Variants in DENND1A observed in about 807,000 individuals in gnomAD.
DENND1A encodes DENN domain-containing protein 1A.
Under a neutral mutation model 113.7 loss-of-function variants are expected in DENND1A, and 51 were observed. The observed-to-expected ratio is 0.45, with a 90% CI of 0.36 to 0.57. The LOEUF is 0.57. Ranked by LOEUF, DENND1A falls within the 20% of genes least tolerant of loss-of-function variation. The pLI is 0.00. For synonymous variants in DENND1A, 565 were observed against 570.8 expected, an observed-to-expected ratio of 0.99 and a Z score of 0.14; for missense variants, 1,258 against 1,395.9, an observed-to-expected ratio of 0.90 and a Z score of 1.57.
At chr9:123,653,735 C>T (rs372052230) in intron 8 of DENND1A, among the ~76,000 whole-genome samples, 1 of 151,908 alleles carries the variant, frequency 6.6e-6, no homozygotes, top group Non-Finnish European at 1.5e-5. Context: ...GCAACAAGAT[C>T]AAGTATGCCT....
At chr9:123,547,288 G>T (rs182682627) in intron 13 of DENND1A, among the ~76,000 whole-genome samples, 1 of 152,258 alleles carries the variant, frequency 6.6e-6, no homozygotes, top group Non-Finnish European at 1.5e-5. Flanking sequence ...CCAGCACTTT[G>T]GGAGGCCAAG....
chr9:123,843,364 C>T (rs1247175222), intron 2 of DENND1A: 4 of 339,906 alleles, frequency 1.2e-5, no homozygotes, highest in Non-Finnish European at 2.4e-5. Context: ...GTGTTGGAAA[C>T]ATTTTTATTT....
intron 13 of DENND1A, among the ~76,000 whole-genome samples, chr9:123,538,390 A>T (rs2055959417): frequency 1.3e-5 from 2 of 152,162 alleles, no homozygotes; most frequent in South Asian, 4.1e-4. Context: ...ACTCAGTAGC[A>T]ATGAGTATCC....
chr9:123,810,517 G>A (rs1017199599), intron 2 of DENND1A, among the ~76,000 whole-genome samples: 8 of 123,978 alleles, frequency 6.5e-5, no homozygotes, highest in Admixed American at 1.1e-4. Flanking sequence ...ATCGAGACCA[G>A]CCTGAGCAAC....
chr9:123,554,518 G>A (rs1379800192), intron 13 of DENND1A, among the ~76,000 whole-genome samples: 2 of 152,200 alleles, frequency 1.3e-5, no homozygotes, highest in African/African-American at 4.8e-5. Context: ...AGGGGAATTT[G>A]CCAAAATTAA....
chr9:123,711,085 T>C (rs1233871046), intron 5 of DENND1A, among the ~76,000 whole-genome samples: 5 of 152,210 alleles, frequency 3.3e-5, no homozygotes, highest in Non-Finnish European at 7.3e-5. Flanking sequence ...ATAAGTTAAA[T>C]AGCTTGATTT....
rs553521988 is a variant in DENND1A, at chr9:123,670,564, T to C, written c.453+727A>G. 5.9e-5 allele frequency among the ~76,000 whole-genome samples: 9 copies of C among 152,298 alleles called. No individual in the cohort carries two copies. In the South Asian group the frequency reaches 8.3e-4, roughly 14 times the overall value. ...AATGACTAGGATGGAAATCTCCCAA[T>C]TGGTATTTCAGAGCACAGTGCAGAA... On this transcript the variant is annotated intron_variant, in intron 7 of 23. Coordinates refer to ENST00000394215, the MANE Select transcript of DENND1A (RefSeq NM_001352964.2).
rs1332141400 is a variant in DENND1A, at chr9:123,381,130, A to G, written c.*302T>C. ...GGTGGGTAGGACTCGGTCTGGAGCA[A>G]TATCATTGGCCCAGCTGACCTCTTT... On this transcript the variant is annotated 3_prime_UTR_variant, in exon 24 of 24. Transcript: ENST00000394215. This position sits in a 1 kb window ranked among gnomAD's most constrained non-coding sequence, Gnocchi z 4.7. 12 of 389,244 alleles carry G rather than the reference A, an allele frequency of 3.1e-5. No individual in the cohort carries two copies. Among genetic ancestry groups the G allele is most frequent in the South Asian group, 2.7e-4 (10 of 37,620 alleles). The allele number at this position is 389,244 out of a possible 1,614,324, so 24.1% of individuals were successfully genotyped here.
intron 13 of DENND1A, among the ~76,000 whole-genome samples, chr9:123,538,598 A>C (rs1240583127): frequency 6.6e-6 from 1 of 151,942 alleles, no homozygotes; most frequent in Non-Finnish European, 1.5e-5. Flanking sequence ...AACCTGAAGT[A>C]TTTCTCACTG....
At chr9:123,671,938 T>C (rs558697817) in intron 6 of DENND1A, among the ~76,000 whole-genome samples, 2 of 152,338 alleles carry the variant, frequency 1.3e-5, no homozygotes, top group Admixed American at 6.5e-5. Context: ...AATTATTTGA[T>C]TGAAAATGGA....
At chr9:123,830,893 A>C (rs1020384416) in intron 2 of DENND1A, among the ~76,000 whole-genome samples, 1 of 150,368 alleles carries the variant, frequency 6.7e-6, no homozygotes, top group African/African-American at 2.4e-5. Context: ...AAAAAAAAAA[A>C]AAAAAAACCA....
At chr9:123,408,432 C>T (rs1410072952) in intron 20 of DENND1A, among the ~76,000 whole-genome samples, 2 of 152,184 alleles carry the variant, frequency 1.3e-5, no homozygotes, top group Non-Finnish European at 2.9e-5. Context: ...AGGGACTGTG[C>T]TAGGTGCTAT....
chr9:123,520,495 AG>A (rs2054308287), intron 13 of DENND1A, among the ~76,000 whole-genome samples: 1 of 152,186 alleles, frequency 6.6e-6, no homozygotes, highest in South Asian at 2.1e-4. Flanking sequence ...AATTGTGGTG[AG>A]GGTGTAAGGT....
chr9:123,770,841 C>T (rs1269054716), intron 3 of DENND1A, among the ~76,000 whole-genome samples: 1 of 152,164 alleles, frequency 6.6e-6, no homozygotes, highest in Non-Finnish European at 1.5e-5. Context: ...TGAATTGATG[C>T]TTCTCGCTTC....
intron 13 of DENND1A, among the ~76,000 whole-genome samples, chr9:123,522,349 G>A (rs1328924214): frequency 4.6e-5 from 7 of 152,170 alleles, no homozygotes; most frequent in Non-Finnish European, 8.8e-5. Context: ...ATGAAAATAC[G>A]TATCTGAAAA....
At chr9:123,729,840 A>G (rs1425281873) in intron 5 of DENND1A, among the ~76,000 whole-genome samples, 6 of 152,322 alleles carry the variant, frequency 3.9e-5, no homozygotes, top group Admixed American at 3.9e-4. Flanking sequence ...GAGGGATCGC[A>G]CTACCTGACT....
chr9:123,897,681 A>T (rs961123008), intron 1 of DENND1A, among the ~76,000 whole-genome samples: 1 of 152,166 alleles, frequency 6.6e-6, no homozygotes, highest in Admixed American at 6.5e-5. Flanking sequence ...CAATGCATAA[A>T]GGTCTGGCCC....
At chr9:123,607,520 CAGAGAGAGAG>C (rs33997878) in intron 11 of DENND1A, among the ~76,000 whole-genome samples, 2 of 73,748 alleles carry the variant, frequency 2.7e-5, no homozygotes, top group African/African-American at 1.4e-4. Context: ...CACACACACA[CAGAGAGAGAG>C]AGAGAGAGAG....
Position 123,381,897 on chromosome 9 carries a change from G to C in DENND1A, c.2748C>G (p.Phe916Leu). 1.7e-6 allele frequency: 2 copies of C among 1,172,282 alleles called. No individual in the cohort carries two copies. The highest frequency in any genetic ancestry group is 2.2e-6 in the Non-Finnish European group (2 of 924,050). 72.6% of individuals were successfully genotyped at this position (1,172,282 alleles called of 1,614,324 possible). ...GCCCCAGGGAAGCTGGAGGGGCCCC[G>C]AAAGGCCCGGCTGGTGTGGAGACCA... is the stretch of plus-strand genomic sequence containing the variant. ...LPLVSTPAGP[F>L]GAPPASLGPA... The change falls in exon 24 of 24, where the codon TTC (phenylalanine) becomes TTG (leucine). Residue 916 changes from phenylalanine (F) to leucine (L), a missense_variant. By Grantham distance (22) the Phe-to-Leu change is conservative. This residue lies in a region of DENND1A where 1,159 missense variants were observed against 1,231.7 expected (regional missense o/e 0.94). Transcript: ENST00000394215. The surrounding 1 kb of genome is among the most constrained non-coding windows in gnomAD (Gnocchi z 4.7).
Sources: gnomAD v4.1 joint callset for allele counts (sites outside exome capture counted in the v4.1 genomes callset) on GRCh38, gnomAD v4.1.1 for gene constraint, gnomAD v4.1.1 regional missense constraint, Gnocchi (gnomAD v3.1) non-coding constraint, MANE v1.5 for transcripts, NCBI Gene and HGNC (gene_info 2026-07-23, HGNC 2026-07-21) for gene names.